KCNK13: variants seen among roughly 807,000 people sequenced by gnomAD.
KCNK13 encodes potassium channel subfamily K member 13.
A neutral mutation model predicts 23.4 loss-of-function variants in KCNK13; 12 were observed. The observed-to-expected ratio is 0.51, with a 90% CI of 0.33 to 0.83. The LOEUF (loss-of-function observed/expected upper bound fraction) is 0.83. Ranked by LOEUF, KCNK13 falls within the 40% of genes least tolerant of loss-of-function variation. KCNK13 has a pLI of 0.02. For missense variants in KCNK13, 463 were observed against 556.3 expected, an observed-to-expected ratio of 0.83 and a Z score of 1.69; for synonymous variants, 231 against 229.5, an observed-to-expected ratio of 1.01 and a Z score of -0.06.
intron 1 of KCNK13, among the ~76,000 whole-genome samples, chr14:90,134,351 T>C (rs551482244): frequency 9.8e-5 from 15 of 152,330 alleles, no homozygotes; most frequent in Middle Eastern, 3.4e-3. Flanking sequence ...ACTATTTTCT[T>C]GTACGCAGAG....
intron 1 of KCNK13, among the ~76,000 whole-genome samples, chr14:90,140,784 A>G (rs951673807): frequency 3.3e-5 from 5 of 152,200 alleles, no homozygotes; most frequent in Admixed American, 6.5e-5. Context: ...ATAAATCAGC[A>G]AAGGTCATTG....
At position 90,154,301 on chromosome 14, in the gene KCNK13, AC is replaced by A. The variant is rs150743904; in HGVS notation, c.335-29807del. Among the ~76,000 whole-genome samples the A allele has an allele frequency of 8.3e-3, 1,216 of 145,884 alleles. 9 individuals are homozygous for A. The highest frequency in any genetic ancestry group is 0.014 in the Non-Finnish European group (925 of 66,694). On this transcript the variant is annotated intron_variant, in intron 1 of 1. Transcript: ENST00000282146. The stretch of plus-strand genomic sequence containing the variant: ...CCTACCCACAATGCTGTGCTCTCCT[AC>A]CCACAATACCTGCTCTCCTACCCAC...
intron 1 of KCNK13, among the ~76,000 whole-genome samples, chr14:90,141,797 G>GGGA (rs767181490): frequency 6.9e-6 from 1 of 145,650 alleles, no homozygotes; most frequent in South Asian, 2.2e-4. Flanking sequence ...TGTTTTTTGG[G>GGGA]GGGGGGGACG....
chr14:90,073,674 T>G, intron 1 of KCNK13, among the ~76,000 whole-genome samples: 1 of 152,134 alleles, frequency 6.6e-6, no homozygotes. Context: ...TTTGTTTTTG[T>G]TTTTGTTTTT....
intron 1 of KCNK13, among the ~76,000 whole-genome samples, chr14:90,134,443 C>T (rs961341727): frequency 1.3e-5 from 2 of 152,226 alleles, no homozygotes; most frequent in African/African-American, 2.4e-5. Flanking sequence ...GAAGATTAGT[C>T]AGAACTGAGC....
At chr14:90,063,667 C>T (rs2140384620) in intron 1 of KCNK13, among the ~76,000 whole-genome samples, 1 of 152,294 alleles carries the variant, frequency 6.6e-6, no homozygotes, top group East Asian at 1.9e-4. Context: ...TCTAGAAGAG[C>T]TCGCTGGTGA....
chr14:90,083,618 G>T (rs755653282), intron 1 of KCNK13, among the ~76,000 whole-genome samples: 11 of 152,208 alleles, frequency 7.2e-5, no homozygotes, highest in Non-Finnish European at 1.6e-4. Context: ...AAAAGGGCAT[G>T]TTTGGCCTCC....
intron 1 of KCNK13, among the ~76,000 whole-genome samples, chr14:90,127,090 A>G (rs1367161977): frequency 6.6e-6 from 1 of 152,190 alleles, no homozygotes; most frequent in Non-Finnish European, 1.5e-5. Context: ...AATTAATAAT[A>G]TATCAATGTT....
Position 90,184,696 on chromosome 14 carries a change from T to TG in KCNK13, c.921dup (p.Arg308AlafsTer29). On this transcript the variant is annotated frameshift_variant, in exon 2 of 2. Coordinates refer to ENST00000282146, the MANE Select transcript of KCNK13 (RefSeq NM_022054.4). LOFTEE classifies it high-confidence loss of function. This position sits in a 1 kb window ranked among gnomAD's most constrained non-coding sequence, Gnocchi z 5.6. ...TGCCCGCAATGCCAGAGAGGACTCT[T>TG]GCGATCACGCAGGAACGTGGTGATG... 1.2e-6 allele frequency: 2 copies of TG among 1,614,216 alleles called. No homozygotes were observed. The highest frequency in any genetic ancestry group is 1.7e-6 in the Non-Finnish European group (2 of 1,180,046).
intron 1 of KCNK13, chr14:90,108,049 A>T (rs1260150700): frequency 3.4e-5 from 21 of 615,564 alleles, no homozygotes; most frequent in Non-Finnish European, 5.8e-5. Flanking sequence ...ATGGCATTGC[A>T]TGTGATGACA....
In KCNK13 at chr14:90,062,358, G is replaced by T. The variant is rs1170899930; in HGVS notation, c.153G>T (p.Gln51His). Residue 51 changes from glutamine (Q) to histidine (H), a missense_variant, in exon 1 of 2, where the codon CAG becomes CAT. By Grantham distance (24) the Gln-to-His change is conservative. Around this residue, in one of 3 missense-constraint regions of KCNK13, gnomAD observed 153 missense variants for 153.6 expected, o/e 1.00. Coordinates refer to ENST00000282146, the MANE Select transcript of KCNK13 (RefSeq NM_022054.4). This position sits in a 1 kb window ranked among gnomAD's most constrained non-coding sequence, Gnocchi z 4.5. Reference sequence around the variant, plus strand: ...TGGCGCACGAGCGCCAGGCCAAGCAGCGCTGGGAGGAGCGCCTGGCCAACT... The same window carrying T: ...TGGCGCACGAGCGCCAGGCCAAGCATCGCTGGGAGGAGCGCCTGGCCAACT... The part of the protein sequence containing the change: ...LELAHERQAK[Q>H]RWEERLANFS... The T allele has an allele frequency of 6.4e-7, 1 of 1,557,024 alleles. No homozygotes were observed. Among genetic ancestry groups the T allele is most frequent in the East Asian group, 2.4e-5 (1 of 41,596 alleles).
chr14:90,064,493 C>T (rs1391286492), intron 1 of KCNK13, among the ~76,000 whole-genome samples: 1 of 152,018 alleles, frequency 6.6e-6, no homozygotes, highest in Non-Finnish European at 1.5e-5. Flanking sequence ...TGGAAAGAAA[C>T]CTGGACAAAG....
intron 1 of KCNK13, among the ~76,000 whole-genome samples, chr14:90,156,165 A>G (rs915368071): frequency 6.7e-6 from 1 of 148,572 alleles, no homozygotes; most frequent in Non-Finnish European, 1.5e-5. Flanking sequence ...CGTTCGTGCC[A>G]CTGCCCTCCA....
chr14:90,177,539 A>C (rs141866930), intron 1 of KCNK13, among the ~76,000 whole-genome samples: 11 of 152,248 alleles, frequency 7.2e-5, no homozygotes, highest in Non-Finnish European at 1.2e-4. Context: ...CTTATAGATA[A>C]TTGGTTTTCG....
chr14:90,099,828 C>T (rs1889453219), intron 1 of KCNK13, among the ~76,000 whole-genome samples: 1 of 152,210 alleles, frequency 6.6e-6, no homozygotes, highest in African/African-American at 2.4e-5. Context: ...AAGCCACATC[C>T]TTTCTCATAC....
intron 1 of KCNK13, among the ~76,000 whole-genome samples, chr14:90,103,516 G>C (rs1889506092): frequency 6.6e-6 from 1 of 152,128 alleles, no homozygotes; most frequent in African/African-American, 2.4e-5. Context: ...TATTTTTGGA[G>C]ATTCAAACAC....
At chr14:90,172,596 T>A (rs1890377407) in intron 1 of KCNK13, among the ~76,000 whole-genome samples, 1 of 151,572 alleles carries the variant, frequency 6.6e-6, no homozygotes, top group Admixed American at 6.6e-5. Context: ...CATAAAACAC[T>A]TCAGTGTAAA....
chr14:90,101,558 G>C (rs181522455), intron 1 of KCNK13, among the ~76,000 whole-genome samples: 1 of 151,812 alleles, frequency 6.6e-6, no homozygotes, highest in Non-Finnish European at 1.5e-5. Context: ...GTAGGCCCAG[G>C]CAGATGGATT....
intron 1 of KCNK13, among the ~76,000 whole-genome samples, chr14:90,073,312 A>G (rs1889097921): frequency 6.6e-6 from 1 of 152,160 alleles, no homozygotes; most frequent in Non-Finnish European, 1.5e-5. Flanking sequence ...CCAGGAGTCC[A>G]TGCAAACAGA....
Sources: gnomAD v4.1 joint callset for allele counts (sites outside exome capture counted in the v4.1 genomes callset) on GRCh38, gnomAD v4.1.1 for gene constraint, gnomAD v4.1.1 regional missense constraint, Gnocchi (gnomAD v3.1) non-coding constraint, MANE v1.5 for transcripts, NCBI Gene and HGNC (gene_info 2026-07-23, HGNC 2026-07-21) for gene names.